The following SETD4 variants were observed in gnomAD, a reference collection of about 807,000 sequenced individuals.
SETD4 encodes SET domain-containing protein 4.
Under a neutral mutation model 58.3 loss-of-function variants are expected in SETD4, and 46 were observed. That is an observed-to-expected ratio of 0.79 (90% CI 0.62 to 1.01). SETD4 has a LOEUF of 1.01. Ranked by LOEUF, SETD4 falls within the 50% of genes least tolerant of loss-of-function variation. The pLI is 0.00. For missense variants in SETD4, 490 were observed against 523.3 expected (o/e 0.94, Z 0.62); for synonymous variants, 190 against 202.6 (o/e 0.94, Z 0.53).
rs2064669673 is a variant in SETD4 at position 36,051,289 on chromosome 21, T to C, written c.207+2294A>G. 4.4e-6 allele frequency: 7 copies of C among 1,593,484 alleles called. No homozygotes were observed. In the South Asian group the frequency reaches 5.5e-5, roughly 13 times the overall value. ...TCTGTTGACAGTGACCCTGAAAGCA[T>C]GGAGCGAGAGCTGCTCACCAAACTC... On this transcript the variant is annotated intron_variant, in intron 4 of 11. Coordinates refer to ENST00000332131, the MANE Select transcript of SETD4 (RefSeq NM_017438.5).
chr21:36,049,805 T>C (rs904450988), intron 4 of SETD4, among the ~76,000 whole-genome samples: 8 of 152,228 alleles, frequency 5.3e-5, no homozygotes, highest in African/African-American at 1.9e-4. Flanking sequence ...ACAACCATAT[T>C]TGAATGTACA....
In SETD4 at chr21:36,045,585, G is replaced by A; in HGVS notation, c.723C>T (p.Val241=). 1 of 1,612,522 alleles carries A rather than the reference G, an allele frequency of 6.2e-7. No homozygotes were observed. The highest frequency in any genetic ancestry group is 1.1e-5 in the South Asian group (1 of 91,054). Residue 241 remains valine (V), a synonymous_variant, in exon 6 of 12, where the codon GTC becomes GTT. Coordinates refer to ENST00000332131, the MANE Select transcript of SETD4 (RefSeq NM_017438.5). ...TGCTCCCTTGTCAGCTTCTCACCTG[G>A]ACATGTGGGCTATGATTCAGCAGGT... ...YLDLLNHSPH[V]QVKAAFNEET...
chr21:36,038,409 C>A, intron 9 of SETD4, 136 bp from the exon 10 acceptor site: 1 of 1,099,500 alleles, frequency 9.1e-7, no homozygotes, highest in Non-Finnish European at 1.3e-6. Context: ...GCAGATTCCC[C>A]AAACCTCCAT....
chr21:36,041,174 A>C (rs2064038053), intron 8 of SETD4, among the ~76,000 whole-genome samples: 1 of 148,592 alleles, frequency 6.7e-6, no homozygotes, highest in African/African-American at 2.5e-5. Flanking sequence ...AAAAAAAAAA[A>C]AAAAAAAAAA....
At chr21:36,050,254 T>C (rs2123694486) in intron 4 of SETD4, 18 of 1,514,026 alleles carry the variant, frequency 1.2e-5, no homozygotes, top group East Asian at 2.3e-5. Flanking sequence ...TGGTTTTTGA[T>C]AGATTGTCCC....
At chr21:36,036,046 C>G in intron 11 of SETD4, 39 bp downstream of exon 11, 2 of 1,592,504 alleles carry the variant, frequency 1.3e-6, no homozygotes, top group Non-Finnish European at 1.7e-6. Flanking sequence ...TAAATTTAGT[C>G]CATCAAACCT....
intron 3 of SETD4, among the ~76,000 whole-genome samples, chr21:36,056,466 G>T (rs1337606771): frequency 6.6e-5 from 10 of 152,210 alleles, no homozygotes. Flanking sequence ...TTGCCCACCT[G>T]TGGGAAGAGT....
intron 4 of SETD4, among the ~76,000 whole-genome samples, chr21:36,051,970 T>C (rs1176249754): frequency 1.3e-5 from 2 of 152,104 alleles, no homozygotes; most frequent in African/African-American, 2.4e-5. Context: ...AAAGTGAATA[T>C]AACCCAATAA....
At chr21:36,037,823 C>T (rs1422173355) in intron 10 of SETD4, among the ~76,000 whole-genome samples, 1 of 151,574 alleles carries the variant, frequency 6.6e-6, no homozygotes, top group Non-Finnish European at 1.5e-5. Flanking sequence ...TGGTGAAACC[C>T]CGTCTTTACT....
chr21:36,038,522 C>T (rs1007688453), intron 9 of SETD4, among the ~76,000 whole-genome samples: 20 of 152,086 alleles, frequency 1.3e-4, no homozygotes, highest in African/African-American at 3.6e-4. Context: ...CAGGCAAGGG[C>T]TGAATGTTAT....
intron 4 of SETD4, chr21:36,053,181 G>A (rs966933071): frequency 4.8e-6 from 1 of 208,406 alleles, no homozygotes; most frequent in Admixed American, 5.5e-5. Context: ...AAGGAAGGAA[G>A]CCTGCCCTTC....
Position 36,056,967 on chromosome 21 carries a change from G to C in SETD4, c.169+142C>G, listed in dbSNP as rs188831256. The C allele has an allele frequency of 4.4e-6, 3 of 683,010 alleles. No homozygotes were observed. The East Asian group carries it at 7.5e-5, about 17-fold the overall frequency. 42.3% of individuals were successfully genotyped at this position (683,010 alleles called of 1,614,324 possible). A position where few individuals can be genotyped will look rare whatever the true frequency, so the allele number is the denominator to read the frequency against. On this transcript the variant is annotated intron_variant, in intron 3 of 11. Transcript: ENST00000332131. ...CTGCAATTAACTGGCCATACACAGG[G>C]GACTCCTCCTCCAACCCAAGGGGAA...
chr21:36,039,776 A>C (rs2063956612), intron 9 of SETD4, among the ~76,000 whole-genome samples: 1 of 152,264 alleles, frequency 6.6e-6, no homozygotes, highest in Non-Finnish European at 1.5e-5. Context: ...TTGAGACCAG[A>C]GAGAAATTTT....
At chr21:36,041,421 G>A (rs556194604) in intron 8 of SETD4, among the ~76,000 whole-genome samples, 4 of 152,250 alleles carry the variant, frequency 2.6e-5, no homozygotes, top group South Asian at 2.1e-4. Context: ...GAATCACCTC[G>A]CTACCCACCT....
At position 36,057,147 on chromosome 21, in the gene SETD4, T is replaced by G; in HGVS notation, c.131A>C (p.Lys44Thr). ...AGGCGCTAAGTTTGAATCTTGAAAC[T>G]TCCTAGCTTTCAGCCACTTCCTCAG... ...IELRKWLKAR[K>T]FQDSNLAPAC... Residue 44 changes from lysine (K) to threonine (T), a missense_variant, in exon 3 of 12, where the codon AAG becomes ACG. Transcript: ENST00000332131. 4.3e-6 allele frequency: 7 copies of G among 1,614,210 alleles called. No individual in the cohort carries two copies. Among genetic ancestry groups the G allele is most frequent in the Non-Finnish European group, 5.9e-6 (7 of 1,180,040 alleles).
chr21:36,045,459 C>T (rs769125307), intron 6 of SETD4, 123 bp downstream of exon 6: 4 of 1,228,608 alleles, frequency 3.3e-6, no homozygotes, highest in Non-Finnish European at 4.6e-6. Context: ...GCCAACCTGA[C>T]AGGGTCACCT....
chr21:36,049,057 TAAAG>T (rs1839795803), intron 4 of SETD4, among the ~76,000 whole-genome samples: 1 of 152,204 alleles, frequency 6.6e-6, no homozygotes, highest in East Asian at 1.9e-4. Context: ...GCTTATGAGC[TAAAG>T]AAAGGCCAGC....
At chr21:36,045,523 C>G (rs1192562530) in intron 6 of SETD4, 59 bp downstream of exon 6, 1 of 1,567,492 alleles carries the variant, frequency 6.4e-7, no homozygotes, top group East Asian at 2.3e-5. Context: ...GCCACAGGTT[C>G]TGGGCAGCGG....
chr21:36,047,745 C>G (rs2064402526), intron 5 of SETD4, among the ~76,000 whole-genome samples: 1 of 146,638 alleles, frequency 6.8e-6, no homozygotes, highest in East Asian at 2.0e-4. Flanking sequence ...AATCCCAGCA[C>G]TTTGGGAGGC....
Sources: allele counts gnomAD v4.1 joint callset (sites outside exome capture counted in the v4.1 genomes callset), GRCh38; gene constraint gnomAD v4.1.1; transcripts MANE v1.5; gene names NCBI Gene and HGNC (gene_info 2026-07-23, HGNC 2026-07-21).